NAP1L5: variants seen among roughly 807,000 people sequenced by gnomAD.
The protein encoded by NAP1L5 is nucleosome assembly protein 1-like 5.
For synonymous variants in NAP1L5, 125 were observed against 103.6 expected, an observed-to-expected ratio of 1.21 and a Z score of -1.25; for missense variants, 249 against 246.4, an observed-to-expected ratio of 1.01 and a Z score of -0.07.
chr4:88,695,948 A>G lies in NAP1L5; in HGVS notation c.*1258T>C, dbSNP rs373873390. 1.3e-4 allele frequency: 20 copies of G among 152,754 alleles called. No individual in the cohort carries two copies. In the East Asian group the frequency reaches 2.5e-3, roughly 19 times the overall value. 9.5% of individuals were successfully genotyped at this position (152,754 alleles called of 1,614,324 possible). A position where few individuals can be genotyped will look rare whatever the true frequency, so the allele number is the denominator to read the frequency against. On this transcript the variant is annotated 3_prime_UTR_variant, in exon 1 of 1. Transcript: ENST00000323061. The stretch of plus-strand genomic sequence containing the variant: ...GAAAATACTGTTTTATTAACACCAC[A>G]GTGATAAACAACTTTAAGCTTATGT...
rs1173214625 is a variant in NAP1L5 at position 88,697,776 on chromosome 4, G to A, written c.-22C>T. On this transcript the variant is annotated 5_prime_UTR_variant, in exon 1 of 1. Coordinates refer to ENST00000323061, the MANE Select transcript of NAP1L5 (RefSeq NM_153757.4). ...CCATGTTAGAGGAGAAGCCGCAGAG[G>A]TCTAGGAGGGCTCCCGCAGAGGCCC... is the stretch of plus-strand genomic sequence containing the variant. 3 of 1,569,254 alleles carry A rather than the reference G, an allele frequency of 1.9e-6. No individual in the cohort carries two copies. Among genetic ancestry groups the A allele is most frequent in the Non-Finnish European group, 2.6e-6 (3 of 1,157,818 alleles).
At position 88,696,457 on chromosome 4, in the gene NAP1L5, TA is replaced by T. The variant is rs1172626916; in HGVS notation, c.*748del. ...ACTTAAACATATTTGGGGTATTTTT[TA>T]CGTGTTTGTAAATAGACAGTACTAA... On this transcript the variant is annotated 3_prime_UTR_variant, in exon 1 of 1. Coordinates refer to ENST00000323061, the MANE Select transcript of NAP1L5 (RefSeq NM_153757.4). 1 of 152,590 alleles carries T rather than the reference TA, an allele frequency of 6.6e-6. No homozygotes were observed. Among genetic ancestry groups the T allele is most frequent in the African/African-American group, 2.4e-5 (1 of 41,452 alleles). 9.5% of individuals were successfully genotyped at this position (152,590 alleles called of 1,614,324 possible).
chr4:88,697,784 G>C lies in NAP1L5; in HGVS notation c.-30C>G. 6.4e-7 allele frequency: 1 copy of C among 1,563,430 alleles called. No homozygotes were observed. The highest frequency in any genetic ancestry group is 8.7e-7 in the Non-Finnish European group (1 of 1,154,994). ...GAGGAGAAGCCGCAGAGGTCTAGGAGGGCTCCCGCAGAGGCCCTGCACCCG... is the reference window on the plus strand; with the variant it reads ...GAGGAGAAGCCGCAGAGGTCTAGGACGGCTCCCGCAGAGGCCCTGCACCCG... On this transcript the variant is annotated 5_prime_UTR_variant, in exon 1 of 1. Transcript: ENST00000323061.
At position 88,697,346 on chromosome 4, in the gene NAP1L5, C is replaced by G. The variant is rs1286822230; in HGVS notation, c.409G>C (p.Glu137Gln). ...MEGCAWTLEG[E>Q]EEEEEEYEDD... Reference sequence around the variant, plus strand: ...TCGTACTCCTCTTCCTCCTCCTCCTCCCCCTCCAAGGTCCATGCACACCCC... The same window carrying G: ...TCGTACTCCTCTTCCTCCTCCTCCTGCCCCTCCAAGGTCCATGCACACCCC... The change falls in exon 1 of 1, where the codon GAG (glutamate) becomes CAG (glutamine). Residue 137 changes from glutamate to glutamine, a missense_variant. By Grantham distance (29) the Glu-to-Gln change is conservative (BLOSUM62 2). Coordinates refer to ENST00000323061, the MANE Select transcript of NAP1L5 (RefSeq NM_153757.4). 2 of 1,613,848 alleles carry G rather than the reference C, an allele frequency of 1.2e-6. No homozygotes were observed. The highest frequency in any genetic ancestry group is 1.7e-6 in the Non-Finnish European group (2 of 1,179,986).
Position 88,696,343 on chromosome 4 carries a change from C to G in NAP1L5, c.*863G>C, listed in dbSNP as rs1408196956. Reference sequence around the variant, plus strand: ...GTCACAAGGCGCAAAGTACATAACGCTGGATACACATGCTTTACATAATTT... The same window carrying G: ...GTCACAAGGCGCAAAGTACATAACGGTGGATACACATGCTTTACATAATTT... On this transcript the variant is annotated 3_prime_UTR_variant, in exon 1 of 1. Transcript: ENST00000323061. The G allele has an allele frequency of 6.6e-6, 1 of 152,630 alleles. No individual in the cohort carries two copies. Among genetic ancestry groups the G allele is most frequent in the African/African-American group, 2.4e-5 (1 of 41,444 alleles). The allele number at this position is 152,630 out of a possible 1,614,324, so 9.5% of individuals were successfully genotyped here. A position where few individuals can be genotyped will look rare whatever the true frequency, so the allele number is the denominator to read the frequency against.
Position 88,697,548 on chromosome 4 carries a change from A to G in NAP1L5, c.207T>C (p.Phe69=), listed in dbSNP as rs1287128812. ...AENAPKPKND[F]IESLPNSVKC... is the part of the protein sequence containing the mutation. ...TCACCGAATTAGGCAGGCTCTCGAT[A>G]AAGTCATTTTTCGGCTTTGGGGCAT... is the stretch of plus-strand genomic sequence containing the variant. The change falls in exon 1 of 1, where the codon TTT becomes TTC. Residue 69 remains phenylalanine, a synonymous_variant. Transcript: ENST00000323061. The G allele has an allele frequency of 1.2e-6, 2 of 1,614,032 alleles. No homozygotes were observed. Among genetic ancestry groups the G allele is most frequent in the Non-Finnish European group, 8.5e-7 (1 of 1,179,984 alleles).
chr4:88,697,507 G>C lies in NAP1L5; in HGVS notation c.248C>G (p.Ala83Gly). 6.2e-7 allele frequency: 1 copy of C among 1,614,078 alleles called. No individual in the cohort carries two copies. The highest frequency in any genetic ancestry group is 8.5e-7 in the Non-Finnish European group (1 of 1,180,024). Residue 83 changes from alanine to glycine, a missense_variant, in exon 1 of 1, where the codon GCC becomes GGC. Physicochemically the swap from Ala to Gly is moderately conservative, Grantham distance 60. Transcript: ENST00000323061. ...GCATCGCTTCTGCAGCTTTTTGAGG[G>C]CCAGGACTCGGCATTTCACCGAATT... ...LPNSVKCRVL[A>G]LKKLQKRCDK...
In NAP1L5 at chr4:88,697,686, TGCCGCTGCCTCC is replaced by T; in HGVS notation, c.57_68del (p.Ala21_Glu24del). 6.2e-7 allele frequency: 1 copy of T among 1,611,596 alleles called. No individual in the cohort carries two copies. The highest frequency in any genetic ancestry group is 8.5e-7 in the Non-Finnish European group (1 of 1,179,484). ...CACCGCCTTCCGCCATTACCTCCTC[TGCCGCTGCCTCC>T]GCCGCTGCCGCCGCCTGGCTAGGCT... On this transcript the variant is annotated inframe_deletion, in exon 1 of 1. Transcript: ENST00000323061.
rs768223823 is a variant in NAP1L5 at position 88,697,503 on chromosome 4, G to A, written c.252C>T (p.Leu84=). 1 of 1,614,082 alleles carries A rather than the reference G, an allele frequency of 6.2e-7. No individual in the cohort carries two copies. Among genetic ancestry groups the A allele is most frequent in the Non-Finnish European group, 8.5e-7 (1 of 1,180,030 alleles). The stretch of plus-strand genomic sequence containing the variant: ...TATCGCATCGCTTCTGCAGCTTTTT[G>A]AGGGCCAGGACTCGGCATTTCACCG... ...PNSVKCRVLA[L]KKLQKRCDKI... is the part of the protein sequence containing the mutation. Residue 84 remains leucine, a synonymous_variant, in exon 1 of 1, where the codon CTC becomes CTT. Transcript: ENST00000323061.
rs1734661904 is a variant in NAP1L5, at chr4:88,696,969, AT to A, written c.*236del. 3 of 430,096 alleles carry A rather than the reference AT, an allele frequency of 7.0e-6. No homozygotes were observed. The South Asian group carries it at 2.7e-4, about 39-fold the overall frequency. The allele number at this position is 430,096 out of a possible 1,614,324, so 26.6% of individuals were successfully genotyped here. On this transcript the variant is annotated 3_prime_UTR_variant, in exon 1 of 1. Transcript: ENST00000323061. Reference sequence around the variant, plus strand: ...CCATGAAAACATAATTTTGGGTTTAATTCAGTTTTCTTTAACACCTTTTGAT... The same window carrying A: ...CCATGAAAACATAATTTTGGGTTTAATCAGTTTTCTTTAACACCTTTTGAT...
In NAP1L5 at chr4:88,697,282, T is replaced by G. The variant is rs372401787; in HGVS notation, c.473A>C (p.Glu158Ala). Residue 158 changes from glutamate to alanine, a missense_variant, in exon 1 of 1, where the codon GAG becomes GCG. Transcript: ENST00000323061. ...CCCCGCGGCAGCCTCTGCCGCAGCC[T>G]CCTCCTCCTCCTCGTCTTCCCCCTC... Reference protein sequence around the residue: ...EEEGEDEEEEEAAAEAAAGAK... With the variant: ...EEEGEDEEEEAAAAEAAAGAK... 1.3e-5 allele frequency: 20 copies of G among 1,539,752 alleles called. No individual in the cohort carries two copies. Among genetic ancestry groups the G allele is most frequent in the Admixed American group, 1.9e-5 (1 of 52,434 alleles).
rs1385731922 is a variant in NAP1L5, at chr4:88,697,458, A to C, written c.297T>G (p.Asp99Glu). The C allele has an allele frequency of 3.1e-6, 5 of 1,614,006 alleles. No individual in the cohort carries two copies. Among genetic ancestry groups the C allele is most frequent in the Non-Finnish European group, 4.2e-6 (5 of 1,180,016 alleles). ...KRCDKIEAKF[D>E]KEFQALEKKY... ...TTTTTTCCAGAGCCTGAAATTCCTTATCAAATTTGGCTTCTATCTTATCGC... is the reference window on the plus strand; with the variant it reads ...TTTTTTCCAGAGCCTGAAATTCCTTCTCAAATTTGGCTTCTATCTTATCGC... The change falls in exon 1 of 1, where the codon GAT becomes GAG. Residue 99 changes from aspartate to glutamate, a missense_variant. By Grantham distance (45) the Asp-to-Glu change is conservative. Coordinates refer to ENST00000323061, the MANE Select transcript of NAP1L5 (RefSeq NM_153757.4).
chr4:88,697,332 T>C lies in NAP1L5; in HGVS notation c.423A>G (p.Glu141=), dbSNP rs1560777941. 2 of 1,612,824 alleles carry C rather than the reference T, an allele frequency of 1.2e-6. No homozygotes were observed. The highest frequency in any genetic ancestry group is 2.2e-5 in the East Asian group (1 of 44,834). ...CCTCCTCGTCATCCTCGTACTCCTC[T>C]TCCTCCTCCTCCTCCCCCTCCAAGG... ...AWTLEGEEEE[E]EEYEDDEEEG... Residue 141 remains glutamate, a synonymous_variant, in exon 1 of 1, where the codon GAA becomes GAG. Coordinates refer to ENST00000323061, the MANE Select transcript of NAP1L5 (RefSeq NM_153757.4).
chr4:88,697,824 GAT>G lies in NAP1L5; in HGVS notation c.-72_-71del. On this transcript the variant is annotated 5_prime_UTR_variant, in exon 1 of 1. Transcript: ENST00000323061. ...CCCTGCACCCGAGCTGGTCCAGAGA[GAT>G]CTTGCGGATGCGGCAAGTGGCGGTG... is the stretch of plus-strand genomic sequence containing the variant. 1 of 1,501,486 alleles carries G rather than the reference GAT, an allele frequency of 6.7e-7. No individual in the cohort carries two copies. The highest frequency in any genetic ancestry group is 2.3e-5 in the Admixed American group (1 of 43,178). 93.0% of individuals were successfully genotyped at this position (1,501,486 alleles called of 1,614,324 possible).
At position 88,696,107 on chromosome 4, in the gene NAP1L5, C is replaced by G. The variant is rs1371129315; in HGVS notation, c.*1099G>C. On this transcript the variant is annotated 3_prime_UTR_variant, in exon 1 of 1. Coordinates refer to ENST00000323061, the MANE Select transcript of NAP1L5 (RefSeq NM_153757.4). Reference sequence around the variant, plus strand: ...CAAGCAGTAAAATTTGATTATGCACCATTTTATAATTAATATGTCACATTT... The same window carrying G: ...CAAGCAGTAAAATTTGATTATGCACGATTTTATAATTAATATGTCACATTT... 4 of 152,506 alleles carry G rather than the reference C, an allele frequency of 2.6e-5. 1 individual carries two copies. The highest frequency in any genetic ancestry group is 9.7e-5 in the African/African-American group (4 of 41,400). The allele number at this position is 152,506 out of a possible 1,614,324, so 9.4% of individuals were successfully genotyped here. A position where few individuals can be genotyped will look rare whatever the true frequency, so the allele number is the denominator to read the frequency against.
Position 88,696,113 on chromosome 4 carries a change from A to G in NAP1L5, c.*1093T>C, listed in dbSNP as rs1390697087. 6.6e-6 allele frequency: 1 copy of G among 152,652 alleles called. No individual in the cohort carries two copies. The highest frequency in any genetic ancestry group is 2.4e-5 in the African/African-American group (1 of 41,464). The allele number at this position is 152,652 out of a possible 1,614,324, so 9.5% of individuals were successfully genotyped here. On this transcript the variant is annotated 3_prime_UTR_variant, in exon 1 of 1. Coordinates refer to ENST00000323061, the MANE Select transcript of NAP1L5 (RefSeq NM_153757.4). Reference sequence around the variant, plus strand: ...GTAAAATTTGATTATGCACCATTTTATAATTAATATGTCACATTTACATAG... The same window carrying G: ...GTAAAATTTGATTATGCACCATTTTGTAATTAATATGTCACATTTACATAG...
At position 88,696,090 on chromosome 4, in the gene NAP1L5, A is replaced by T. The variant is rs2149337922; in HGVS notation, c.*1116T>A. 6.5e-6 allele frequency: 1 copy of T among 152,748 alleles called. No individual in the cohort carries two copies. The highest frequency in any genetic ancestry group is 1.9e-4 in the East Asian group (1 of 5,188). 9.5% of individuals were successfully genotyped at this position (152,748 alleles called of 1,614,324 possible). A position where few individuals can be genotyped will look rare whatever the true frequency, so the allele number is the denominator to read the frequency against. ...CTGTATGCATCTGTCCTCAAGCAGT[A>T]AAATTTGATTATGCACCATTTTATA... On this transcript the variant is annotated 3_prime_UTR_variant, in exon 1 of 1. Transcript: ENST00000323061.
Position 88,696,426 on chromosome 4 carries a change from T to C in NAP1L5, c.*780A>G, listed in dbSNP as rs1734608090. ...ATTTCTAAAACGCTAGGTAAAGTGA[T>C]TTAATACTTAAACATATTTGGGGTA... On this transcript the variant is annotated 3_prime_UTR_variant, in exon 1 of 1. Transcript: ENST00000323061. 1 of 152,646 alleles carries C rather than the reference T, an allele frequency of 6.6e-6. No individual in the cohort carries two copies. The highest frequency in any genetic ancestry group is 2.4e-5 in the African/African-American group (1 of 41,442). 9.5% of individuals were successfully genotyped at this position (152,646 alleles called of 1,614,324 possible).
rs1028216578 is a variant in NAP1L5, at chr4:88,697,814, G to A, written c.-60C>T. Reference sequence around the variant, plus strand: ...CCCGCAGAGGCCCTGCACCCGAGCTGGTCCAGAGAGATCTTGCGGATGCGG... The same window carrying A: ...CCCGCAGAGGCCCTGCACCCGAGCTAGTCCAGAGAGATCTTGCGGATGCGG... On this transcript the variant is annotated 5_prime_UTR_variant, in exon 1 of 1. Coordinates refer to ENST00000323061, the MANE Select transcript of NAP1L5 (RefSeq NM_153757.4). 3.3e-6 allele frequency: 5 copies of A among 1,511,734 alleles called. No individual in the cohort carries two copies. In the African/African-American group the frequency reaches 7.0e-5, roughly 21 times the overall value. 93.6% of individuals were successfully genotyped at this position (1,511,734 alleles called of 1,614,324 possible).
Sources: gnomAD v4.1 joint callset for allele counts on GRCh38, gnomAD v4.1.1 for gene constraint, MANE v1.5 for transcripts, NCBI Gene and HGNC (gene_info 2026-07-23, HGNC 2026-07-21) for gene names.